Variants in DNAJC11 observed in about 807,000 individuals in gnomAD.
DNAJC11 encodes the protein dnaJ homolog subfamily C member 11.
Under a neutral mutation model 78.6 loss-of-function variants are expected in DNAJC11, and 15 were observed. That is an observed-to-expected ratio of 0.19 (90% confidence interval 0.13 to 0.29). The LOEUF is 0.29. Ranked by LOEUF, DNAJC11 falls within the 10% of genes least tolerant of loss-of-function variation. The probability of loss-of-function intolerance (pLI) is 1.00; values close to 1 mark genes in which losing one functional copy is unlikely to be tolerated. For synonymous variants in DNAJC11, 292 were observed against 272.1 expected (o/e 1.07, Z -0.72); for missense variants, 547 against 709.6 (o/e 0.77, Z 2.60).
At chr1:6,679,699 T>G (rs1225110799) in intron 2 of DNAJC11, among the ~76,000 whole-genome samples, 2 of 152,236 alleles carry the variant, frequency 1.3e-5, no homozygotes, top group Non-Finnish European at 2.9e-5. Flanking sequence ...CTATTTTACC[T>G]GAGTCTCCCT....
Position 6,635,479 on chromosome 1 carries a change from C to T in DNAJC11, c.*196G>A. 1.7e-6 allele frequency: 1 copy of T among 582,854 alleles called. No individual in the cohort carries two copies. The highest frequency in any genetic ancestry group is 2.3e-5 in the South Asian group (1 of 42,744). The allele number at this position is 582,854 out of a possible 1,614,324, so 36.1% of individuals were successfully genotyped here. A position where few individuals can be genotyped will look rare whatever the true frequency, so the allele number is the denominator to read the frequency against. ...GGCTGCAGTCTGGTTCCCAGTGGGG[C>T]TGCCTCAGTCCTACCCCCAGCACCC... On this transcript the variant is annotated 3_prime_UTR_variant, in exon 16 of 16. Transcript: ENST00000377577.
intron 10 of DNAJC11, among the ~76,000 whole-genome samples, chr1:6,642,947 A>C (rs1426495085): frequency 2.0e-5 from 3 of 152,132 alleles, no homozygotes; most frequent in Non-Finnish European, 4.4e-5. Flanking sequence ...CTTGGGAGTG[A>C]GTCGAGAGAG....
At chr1:6,670,008 C>G (rs1222968239) in intron 3 of DNAJC11, among the ~76,000 whole-genome samples, 7 of 150,512 alleles carry the variant, frequency 4.7e-5, no homozygotes, top group Non-Finnish European at 8.8e-5. Flanking sequence ...GGCTGGAGTG[C>G]GGTGGTGCGA....
At chr1:6,652,155 A>T (rs553540516) in intron 6 of DNAJC11, among the ~76,000 whole-genome samples, 2 of 152,342 alleles carry the variant, frequency 1.3e-5, no homozygotes, top group South Asian at 4.1e-4. Flanking sequence ...GTGACTTTCA[A>T]GCAACTCTTC....
chr1:6,701,164 C>T (rs1252735957), intron 1 of DNAJC11, among the ~76,000 whole-genome samples: 1 of 152,194 alleles, frequency 6.6e-6, no homozygotes, highest in Non-Finnish European at 1.5e-5. Flanking sequence ...AATTTCTGGA[C>T]ATCGGGTCCA....
chr1:6,668,852 C>T (rs566962081), intron 3 of DNAJC11, among the ~76,000 whole-genome samples: 2 of 152,160 alleles, frequency 1.3e-5, no homozygotes, highest in African/African-American at 4.8e-5. Flanking sequence ...CAGCAGACCT[C>T]ATTAAACTCG....
chr1:6,637,302 T>C lies in DNAJC11; in HGVS notation c.1420A>G (p.Asn474Asp). The change falls in exon 14 of 16, where the codon AAT becomes GAT. Residue 474 changes from asparagine to aspartate, a missense_variant. Asn to Asp is a conservative substitution (Grantham distance 23). Coordinates refer to ENST00000377577, the MANE Select transcript of DNAJC11 (RefSeq NM_018198.4). ...TTCTCGCTCTTCCTGCTCTTGTCATTGACAAACTTCCCGTACCAGGCATTG... is the reference window on the plus strand; with the variant it reads ...TTCTCGCTCTTCCTGCTCTTGTCATCGACAAACTTCCCGTACCAGGCATTG... ...IVNAWYGKFV[N>D]DKSRKSEKVK... The C allele has an allele frequency of 1.2e-6, 2 of 1,614,142 alleles. No homozygotes were observed. Among genetic ancestry groups the C allele is most frequent in the Middle Eastern group, 3.3e-4 (2 of 6,062 alleles).
intron 1 of DNAJC11, among the ~76,000 whole-genome samples, chr1:6,694,651 A>G (rs1642804115): frequency 6.6e-6 from 1 of 151,938 alleles, no homozygotes; most frequent in South Asian, 2.1e-4. Flanking sequence ...AGCTCATGCC[A>G]CCATGCCCAG....
chr1:6,700,783 A>ATG (rs1483210978), intron 1 of DNAJC11, among the ~76,000 whole-genome samples: 1 of 152,214 alleles, frequency 6.6e-6, no homozygotes, highest in Admixed American at 6.5e-5. Context: ...GCATAGCCAA[A>ATG]CTTGGCTAGC....
chr1:6,676,874 A>C (rs952358143), intron 3 of DNAJC11, among the ~76,000 whole-genome samples: 1 of 152,074 alleles, frequency 6.6e-6, no homozygotes, highest in Non-Finnish European at 1.5e-5. Context: ...GCTTGAGACT[A>C]AACATTGAAT....
In DNAJC11 at chr1:6,701,634, T is replaced by C. The variant is rs1642930608; in HGVS notation, c.72+95A>G. 3 of 1,322,910 alleles carry C rather than the reference T, an allele frequency of 2.3e-6. No homozygotes were observed. The South Asian group carries it at 4.2e-5, about 18-fold the overall frequency. The allele number at this position is 1,322,910 out of a possible 1,614,324, so 81.9% of individuals were successfully genotyped here. On this transcript the variant is annotated intron_variant, in intron 1 of 15. Coordinates refer to ENST00000377577, the MANE Select transcript of DNAJC11 (RefSeq NM_018198.4). Reference sequence around the variant, plus strand: ...GCGGCCTCCCCGACGGACCCGAGCCTCCCGTGGCGGGGGTGGGGCGGCCAC... The same window carrying C: ...GCGGCCTCCCCGACGGACCCGAGCCCCCCGTGGCGGGGGTGGGGCGGCCAC...
At chr1:6,637,036 G>A (rs1641789973) in intron 14 of DNAJC11, among the ~76,000 whole-genome samples, 162 bp downstream of exon 14, 1 of 152,186 alleles carries the variant, frequency 6.6e-6, no homozygotes, top group Non-Finnish European at 1.5e-5. Flanking sequence ...TTTTTGTAGA[G>A]ATAGGGTTTT....
chr1:6,668,060 T>G, intron 3 of DNAJC11: 1 of 425,892 alleles, frequency 2.3e-6, no homozygotes. Context: ...CCAGAGTGAC[T>G]TAAACATTCT....
rs1641710686 is a variant in DNAJC11, at chr1:6,634,315, G to A, written c.*1360C>T. The A allele has an allele frequency of 7.1e-6, 7 of 989,640 alleles. No individual in the cohort carries two copies. Among genetic ancestry groups the A allele is most frequent in the Admixed American group, 2.9e-5 (1 of 34,232 alleles). 61.3% of individuals were successfully genotyped at this position (989,640 alleles called of 1,614,324 possible). A position where few individuals can be genotyped will look rare whatever the true frequency, so the allele number is the denominator to read the frequency against. ...GCTCATGCAACACGACGCTCACCGC[G>A]GCTCGGGCCGTGGGGCCGTCAGAGA... On this transcript the variant is annotated 3_prime_UTR_variant, in exon 16 of 16. Coordinates refer to ENST00000377577, the MANE Select transcript of DNAJC11 (RefSeq NM_018198.4).
intron 1 of DNAJC11, among the ~76,000 whole-genome samples, chr1:6,695,211 G>T (rs1470086176): frequency 1.3e-5 from 2 of 151,346 alleles, no homozygotes; most frequent in African/African-American, 4.9e-5. Context: ...TGCCAACCCA[G>T]GCTGGTCTCA....
intron 10 of DNAJC11, among the ~76,000 whole-genome samples, chr1:6,641,714 C>T (rs756472068): frequency 2.4e-4 from 36 of 152,076 alleles, no homozygotes; most frequent in East Asian, 1.9e-4. Flanking sequence ...AGATGGCTGA[C>T]GCCAGCTCTA....
intron 1 of DNAJC11, among the ~76,000 whole-genome samples, chr1:6,687,200 T>C (rs185161201): frequency 1.4e-4 from 22 of 152,298 alleles, no homozygotes; most frequent in African/African-American, 5.3e-4. Flanking sequence ...TGGTGTCATT[T>C]AGTAGATACT....
chr1:6,685,776 G>A (rs1369906979), intron 1 of DNAJC11, among the ~76,000 whole-genome samples: 2 of 152,114 alleles, frequency 1.3e-5, no homozygotes, highest in Non-Finnish European at 2.9e-5. Flanking sequence ...AGTATTCATT[G>A]GAGTAAAATC....
At chr1:6,695,696 TACTTGGG>T (rs1642825105) in intron 1 of DNAJC11, among the ~76,000 whole-genome samples, 1 of 136,304 alleles carries the variant, frequency 7.3e-6, no homozygotes, top group Non-Finnish European at 1.5e-5. Flanking sequence ...TAATCCCAGC[TACTTGGG>T]AGGCTGAGGC....
Sources: gnomAD v4.1 joint callset for allele counts (sites outside exome capture counted in the v4.1 genomes callset) on GRCh38, gnomAD v4.1.1 for gene constraint, MANE v1.5 for transcripts, NCBI Gene and HGNC (gene_info 2026-07-23, HGNC 2026-07-21) for gene names.